Variants in ADAMTSL1 observed in about 807,000 individuals in gnomAD.
ADAMTSL1 encodes ADAMTS like 1, also known as ADAMTS-like protein 1.
ADAMTSL1 carries 126 observed loss-of-function variants against 201.8 expected under a neutral mutation model. The ratio of observed to expected loss-of-function variants is 0.62; its 90% CI spans 0.54 to 0.72. The LOEUF is 0.72. Among genes scored for constraint, ADAMTSL1 ranks in the 30% least tolerant of loss-of-function variants. ADAMTSL1 has a pLI of 0.00. For synonymous variants in ADAMTSL1, 1,121 were observed against 903.4 expected, an observed-to-expected ratio of 1.24 and a Z score of -4.32; for missense variants, 2,679 against 2,277.8, an observed-to-expected ratio of 1.18 and a Z score of -3.59.
At chr9:18,283,648 C>G (rs1366300603) in intron 2 of ADAMTSL1, among the ~76,000 whole-genome samples, 1 of 143,930 alleles carries the variant, frequency 6.9e-6, no homozygotes, top group African/African-American at 2.6e-5. Flanking sequence ...TGCAGTGGCT[C>G]AAGCCTGTAA....
chr9:18,882,068 A>G (rs1030083357), intron 23 of ADAMTSL1, among the ~76,000 whole-genome samples: 4 of 152,176 alleles, frequency 2.6e-5, no homozygotes, highest in Non-Finnish European at 5.9e-5. Context: ...CCTCTTATTT[A>G]GCTGACTAAG....
chr9:18,565,256 T>C (rs1305726293), intron 3 of ADAMTSL1, among the ~76,000 whole-genome samples: 1 of 152,198 alleles, frequency 6.6e-6, no homozygotes, highest in Non-Finnish European at 1.5e-5. Context: ...AAACACATAG[T>C]AGGGCACACC....
rs1476255710 is a variant in ADAMTSL1 at position 18,886,196 on chromosome 9, A to G, written c.4250-1635A>G. Among the ~76,000 whole-genome samples the G allele has an allele frequency of 3.6e-3, 489 of 135,728 alleles. 21 individuals are homozygous for G. Among genetic ancestry groups the G allele is most frequent in the Middle Eastern group, 0.012 (3 of 256 alleles). 89.0% of individuals were successfully genotyped at this position (135,728 alleles called of 152,430 possible). ...TATATATATATATATATATATATATATATATATATATATATACACACACAT... is the reference window on the plus strand; with the variant it reads ...TATATATATATATATATATATATATGTATATATATATATATACACACACAT... On this transcript the variant is annotated intron_variant, in intron 23 of 28. Coordinates refer to ENST00000380548, the MANE Select transcript of ADAMTSL1 (RefSeq NM_001040272.6).
chr9:18,232,659 T>G (rs1830688821), intron 2 of ADAMTSL1, among the ~76,000 whole-genome samples: 1 of 152,186 alleles, frequency 6.6e-6, no homozygotes, highest in South Asian at 2.1e-4. Flanking sequence ...AGAGTTTGAC[T>G]CATTCATATT....
At chr9:18,585,967 G>T (rs549200548) in intron 4 of ADAMTSL1, among the ~76,000 whole-genome samples, 1 of 152,068 alleles carries the variant, frequency 6.6e-6, no homozygotes, top group Non-Finnish European at 1.5e-5. Flanking sequence ...TCTATGACAA[G>T]CCCACAGCCA....
At chr9:18,459,539 C>G (rs1003642208) in intron 2 of ADAMTSL1, among the ~76,000 whole-genome samples, 1 of 152,102 alleles carries the variant, frequency 6.6e-6, no homozygotes, top group African/African-American at 2.4e-5. Flanking sequence ...ACAGGAGTCA[C>G]CAAATCTCTG....
At position 18,363,351 on chromosome 9, in the gene ADAMTSL1, A is replaced by G. The variant is rs147825729; in HGVS notation, c.208-141478A>G. ...TAAACTCAGTTGTGTAGGCAATCCA[A>G]TTTCTCATTTGCCTATTATAAGCCG... On this transcript the variant is annotated intron_variant, in intron 2 of 29. Coordinates refer to the ADAMTSL1 transcript ENST00000680146. Among the ~76,000 whole-genome samples, 702 of 152,306 alleles carry G rather than the reference A, an allele frequency of 4.6e-3. 11 individuals carry two copies. Among genetic ancestry groups the G allele is most frequent in the Middle Eastern group, 0.027 (8 of 294 alleles).
chr9:18,718,342 G>T (rs569654896), intron 14 of ADAMTSL1: 39 of 742,710 alleles, frequency 5.3e-5, no homozygotes, highest in Non-Finnish European at 7.1e-5. Flanking sequence ...GCTATACATT[G>T]TTCCGTTCCT....
intron 2 of ADAMTSL1, among the ~76,000 whole-genome samples, chr9:18,281,476 A>G (rs1832787494): frequency 1.3e-5 from 2 of 152,342 alleles, no homozygotes; most frequent in African/African-American, 4.8e-5. Context: ...AAGCTTCGGT[A>G]CAGTCTAGGA....
intron 23 of ADAMTSL1, among the ~76,000 whole-genome samples, chr9:18,862,758 G>A (rs922534530): frequency 2.6e-5 from 4 of 152,146 alleles, no homozygotes; most frequent in African/African-American, 7.2e-5. Flanking sequence ...CAGGCAGCCT[G>A]CAGCCAGGCC....
At chr9:18,595,191 C>G (rs930667755) in intron 4 of ADAMTSL1, among the ~76,000 whole-genome samples, 8 of 152,120 alleles carry the variant, frequency 5.3e-5, no homozygotes, top group African/African-American at 1.7e-4. Flanking sequence ...TCCTTTTGGC[C>G]CAAGAGAGGG....
chr9:18,722,660 C>G (rs2133431290), intron 15 of ADAMTSL1, among the ~76,000 whole-genome samples: 1 of 152,316 alleles, frequency 6.6e-6, no homozygotes, highest in African/African-American at 2.4e-5. Flanking sequence ...CCCATGGTGA[C>G]ACTCCTCCTG....
intron 19 of ADAMTSL1, among the ~76,000 whole-genome samples, chr9:18,790,055 T>C (rs1821932772): frequency 6.6e-6 from 1 of 152,102 alleles, no homozygotes; most frequent in Non-Finnish European, 1.5e-5. Flanking sequence ...GTCTGACAAC[T>C]AGAAATTCCA....
At chr9:18,232,143 C>G (rs542062134) in intron 2 of ADAMTSL1, among the ~76,000 whole-genome samples, 1 of 152,246 alleles carries the variant, frequency 6.6e-6, no homozygotes, top group African/African-American at 2.4e-5. Context: ...TACGCACTGA[C>G]CTTGATTTTC....
At chr9:18,542,830 C>T (rs1449123718) in intron 3 of ADAMTSL1, among the ~76,000 whole-genome samples, 1 of 152,164 alleles carries the variant, frequency 6.6e-6, no homozygotes, top group African/African-American at 2.4e-5. Context: ...TTTTTAAAAA[C>T]TGAAAATTAG....
chr9:18,045,076 A>C (rs553355423), intron 1 of ADAMTSL1, among the ~76,000 whole-genome samples: 1 of 152,248 alleles, frequency 6.6e-6, no homozygotes, highest in African/African-American at 2.4e-5. Context: ...TAGCTTATGT[A>C]TCTTAGGTGA....
intron 2 of ADAMTSL1, among the ~76,000 whole-genome samples, chr9:18,459,872 T>G (rs1345966736): frequency 6.6e-6 from 1 of 151,946 alleles, no homozygotes; most frequent in Non-Finnish European, 1.5e-5. Context: ...AATCAAAAAT[T>G]GACAAAGAAA....
chr9:18,396,257 A>G (rs1364761230), intron 2 of ADAMTSL1, among the ~76,000 whole-genome samples: 1 of 152,146 alleles, frequency 6.6e-6, no homozygotes, highest in Non-Finnish European at 1.5e-5. Flanking sequence ...TCAATATGGA[A>G]GTAGTCAGAA....
chr9:18,493,301 T>G (rs1211200372), intron 1 of ADAMTSL1, among the ~76,000 whole-genome samples: 2 of 152,248 alleles, frequency 1.3e-5, no homozygotes, highest in Non-Finnish European at 2.9e-5. Context: ...TATGGTTATC[T>G]ATGTATTGTA....
Sources: gnomAD v4.1 joint callset for allele counts (sites outside exome capture counted in the v4.1 genomes callset) on GRCh38, gnomAD v4.1.1 for gene constraint, MANE v1.5 for transcripts, NCBI Gene and HGNC (gene_info 2026-07-23, HGNC 2026-07-21) for gene names.